GRIN2A: variants seen among roughly 807,000 people sequenced by gnomAD.
GRIN2A encodes glutamate receptor ionotropic, NMDA 2A.
A neutral mutation model predicts 113.4 loss-of-function variants in GRIN2A; 22 were observed. The observed-to-expected ratio is 0.19, with a 90% CI of 0.14 to 0.28. The LOEUF is 0.28. Among genes scored for constraint, GRIN2A ranks in the 10% least tolerant of loss-of-function variants. The pLI is 1.00. For missense variants in GRIN2A, 1,502 were observed against 1,887.0 expected (o/e 0.80, Z 3.78); for synonymous variants, 827 against 738.4 (o/e 1.12, Z -1.94).
At chr16:10,073,273 G>C (rs72774131) in intron 2 of GRIN2A, among the ~76,000 whole-genome samples, 14,615 of 152,128 alleles carry the variant, frequency 0.096, 777 homozygotes, top group African/African-American at 0.11. Context: ...CGTAATTCTT[G>C]AGCATTCCTG....
chr16:9,828,071 G>A (rs879396367), intron 9 of GRIN2A, among the ~76,000 whole-genome samples: 1 of 152,172 alleles, frequency 6.6e-6, no homozygotes, highest in African/African-American at 2.4e-5. Context: ...CCCTGAGGAG[G>A]TAATGTCTTC....
At chr16:9,856,394 G>T (rs1470537783) in intron 4 of GRIN2A, among the ~76,000 whole-genome samples, 2 of 152,026 alleles carry the variant, frequency 1.3e-5, no homozygotes, top group African/African-American at 2.4e-5. Flanking sequence ...GCTGAGGCGG[G>T]TAGATCACGA....
chr16:9,915,352 A>G (rs73502655), intron 3 of GRIN2A, among the ~76,000 whole-genome samples: 1 of 152,236 alleles, frequency 6.6e-6, no homozygotes, highest in African/African-American at 2.4e-5. Context: ...AATCAAGTCC[A>G]CCACCCTTAA....
At chr16:9,774,670 T>C (rs1901491291) in intron 11 of GRIN2A, among the ~76,000 whole-genome samples, 1 of 152,274 alleles carries the variant, frequency 6.6e-6, no homozygotes, top group African/African-American at 2.4e-5. Flanking sequence ...TTAAGGAGTT[T>C]GCTTAATCAC....
At chr16:10,079,676 G>A (rs555921826) in intron 2 of GRIN2A, among the ~76,000 whole-genome samples, 1 of 152,304 alleles carries the variant, frequency 6.6e-6, no homozygotes, top group South Asian at 2.1e-4. Context: ...CACCAGACAT[G>A]AATCTTCTGG....
intron 5 of GRIN2A, 59 bp from the exon 6 acceptor site, chr16:9,841,163 A>G: frequency 7.2e-7 from 1 of 1,385,406 alleles, no homozygotes; most frequent in Non-Finnish European, 1.0e-6. Flanking sequence ...GTTCACAATC[A>G]TTAGCTGTAC....
intron 2 of GRIN2A, among the ~76,000 whole-genome samples, chr16:10,105,252 C>T (rs977085130): frequency 1.3e-5 from 2 of 152,068 alleles, no homozygotes; most frequent in Non-Finnish European, 1.5e-5. Context: ...AAACATGAAG[C>T]CCACCCCCAA....
chr16:10,002,388 G>C (rs565074654), intron 2 of GRIN2A, among the ~76,000 whole-genome samples: 2 of 152,208 alleles, frequency 1.3e-5, no homozygotes, highest in South Asian at 4.1e-4. Flanking sequence ...CTAATCTGTG[G>C]AATACATTCC....
In GRIN2A at chr16:9,842,951, A is replaced by AG. The variant is rs1555495122; in HGVS notation, c.1329-1848_1329-1847insC. On this transcript the variant is annotated intron_variant, in intron 5 of 12. Coordinates refer to ENST00000330684, the MANE Select transcript of GRIN2A (RefSeq NM_001134407.3). Reference sequence around the variant, plus strand: ...GTCGAGAGAAAGAGAGAAAGAAAGAAAGAGAGAGAGAGAGAGAGAGGAAGA... The same window carrying AG: ...GTCGAGAGAAAGAGAGAAAGAAAGAAGAGAGAGAGAGAGAGAGAGAGGAAGA... 7.0e-3 allele frequency among the ~76,000 whole-genome samples: 1,013 copies of AG among 145,226 alleles called. 5 individuals are homozygous for AG. Among genetic ancestry groups the AG allele is most frequent in the Non-Finnish European group, 0.01 (689 of 66,662 alleles).
intron 11 of GRIN2A, among the ~76,000 whole-genome samples, chr16:9,796,395 T>C (rs920213568): frequency 6.6e-6 from 1 of 152,218 alleles, no homozygotes; most frequent in African/African-American, 2.4e-5. Context: ...TAAGGGTGAT[T>C]ATCCACCCCT....
chr16:10,078,458 C>T (rs2047917020), intron 2 of GRIN2A, among the ~76,000 whole-genome samples: 1 of 136,336 alleles, frequency 7.3e-6, no homozygotes, highest in Non-Finnish European at 1.6e-5. Flanking sequence ...GCAGATTAGG[C>T]AAGACAAGGG....
rs59236987 is a variant in GRIN2A at position 9,770,888 on chromosome 16, A to T, written c.2357-1799T>A. The stretch of plus-strand genomic sequence containing the variant: ...CCGCTCCCTTCGGTTTTCCCTGTTA[A>T]CATCTTGCATTAGTGTGGTACAGTT... On this transcript the variant is annotated intron_variant, in intron 11 of 12. Transcript: ENST00000330684. Among the ~76,000 whole-genome samples, 399 of 152,340 alleles carry T rather than the reference A, an allele frequency of 2.6e-3. 6 individuals are homozygous for T. Among genetic ancestry groups the T allele is most frequent in the African/African-American group, 8.8e-3 (365 of 41,566 alleles).
intron 10 of GRIN2A, among the ~76,000 whole-genome samples, chr16:9,807,574 C>G (rs559892154): frequency 6.6e-6 from 1 of 152,114 alleles, no homozygotes; most frequent in Non-Finnish European, 1.5e-5. Flanking sequence ...TACTTTGTTT[C>G]TGTTAAATGT....
chr16:9,975,607 A>C (rs539487458), intron 2 of GRIN2A, among the ~76,000 whole-genome samples: 1 of 152,336 alleles, frequency 6.6e-6, no homozygotes, highest in African/African-American at 2.4e-5. Flanking sequence ...ACAGAGCAGG[A>C]AAGGGAGAAG....
In GRIN2A at chr16:10,071,902, C is replaced by A. The variant is rs540315486; in HGVS notation, c.414+108096G>T. On this transcript the variant is annotated intron_variant, in intron 2 of 12. Coordinates refer to ENST00000330684, the MANE Select transcript of GRIN2A (RefSeq NM_001134407.3). Reference sequence around the variant, plus strand: ...TAGGTACAGTACTTTTGTTTATCTCCATTTCACAGAGAAGGAAATGGAGGC... The same window carrying A: ...TAGGTACAGTACTTTTGTTTATCTCAATTTCACAGAGAAGGAAATGGAGGC... Among the ~76,000 whole-genome samples the A allele has an allele frequency of 3.3e-5, 5 of 152,312 alleles. No individual in the cohort carries two copies. In the East Asian group the frequency reaches 9.6e-4, roughly 29 times the overall value.
Position 9,763,179 on chromosome 16 carries a change from C to G in GRIN2A, c.4365G>C (p.Lys1455Asn). The change falls in exon 13 of 13, where the codon AAG (lysine) becomes AAC (asparagine). Residue 1455 changes from lysine (K) to asparagine (N), a missense_variant. This residue lies in a region of GRIN2A where 832 missense variants were observed against 789.7 expected (regional missense o/e 1.05). Transcript: ENST00000330684. Reference sequence around the variant, plus strand: ...CATCAGATTCGATACTAGGCATTTTCTTGTACACGCGTCTATTGCTGCAGG... The same window carrying G: ...CATCAGATTCGATACTAGGCATTTTGTTGTACACGCGTCTATTGCTGCAGG... Reference protein sequence around the residue: ...LNSCSNRRVYKKMPSIESDV With the variant: ...LNSCSNRRVYNKMPSIESDV 6.2e-7 allele frequency: 1 copy of G among 1,614,016 alleles called. No homozygotes were observed. Among genetic ancestry groups the G allele is most frequent in the Admixed American group, 1.7e-5 (1 of 60,028 alleles).
In GRIN2A at chr16:10,164,587, T is replaced by C. The variant is rs142094416; in HGVS notation, c.414+15411A>G. Among the ~76,000 whole-genome samples the C allele has an allele frequency of 4.5e-3, 691 of 152,278 alleles. 2 individuals are homozygous for C. The highest frequency in any genetic ancestry group is 0.015 in the African/African-American group (614 of 41,552). Reference sequence around the variant, plus strand: ...GAAATTTTACATATTAAAGCAATGATTGAAACAACACTGATACAGAGACAA... The same window carrying C: ...GAAATTTTACATATTAAAGCAATGACTGAAACAACACTGATACAGAGACAA... On this transcript the variant is annotated intron_variant, in intron 2 of 12. Coordinates refer to ENST00000330684, the MANE Select transcript of GRIN2A (RefSeq NM_001134407.3).
intron 10 of GRIN2A, among the ~76,000 whole-genome samples, chr16:9,822,015 T>G (rs545828453): frequency 6.6e-6 from 1 of 152,292 alleles, no homozygotes; most frequent in South Asian, 2.1e-4. Flanking sequence ...TCTTTATCAG[T>G]TTAAGAAACC....
At chr16:9,974,152 G>A (rs1489578253) in intron 2 of GRIN2A, among the ~76,000 whole-genome samples, 1 of 152,140 alleles carries the variant, frequency 6.6e-6, no homozygotes, top group African/African-American at 2.4e-5. Flanking sequence ...GATGGTGAGG[G>A]TGGAAGAAGA....
Sources: allele counts gnomAD v4.1 joint callset (sites outside exome capture counted in the v4.1 genomes callset), GRCh38; gene constraint gnomAD v4.1.1; regional missense constraint gnomAD v4.1.1; transcripts MANE v1.5; gene names NCBI Gene and HGNC (gene_info 2026-07-23, HGNC 2026-07-21).